The following DLGAP2 variants were observed in gnomAD, a reference collection of about 807,000 sequenced individuals.
DLGAP2 encodes the protein disks large-associated protein 2.
A neutral mutation model predicts 100.3 loss-of-function variants in DLGAP2; 26 were observed. The observed-to-expected ratio is 0.26, with a 90% CI of 0.19 to 0.36. DLGAP2 has a LOEUF of 0.36. Among genes scored for constraint, DLGAP2 ranks in the 10% least tolerant of loss-of-function variants. The probability of loss-of-function intolerance (pLI) is 1.00; values close to 1 mark genes in which losing one functional copy is unlikely to be tolerated. For synonymous variants in DLGAP2, 886 were observed against 630.1 expected (o/e 1.41, Z -6.08); for missense variants, 1,858 against 1,453.2 (o/e 1.28, Z -4.53).
chr8:938,159 A>G (rs542705057), intron 2 of DLGAP2, among the ~76,000 whole-genome samples: 1 of 152,278 alleles, frequency 6.6e-6, no homozygotes, highest in East Asian at 1.9e-4. Context: ...GAAGGCCACA[A>G]AGCTCAATGA....
At chr8:1,084,647 C>T (rs2701943) in intron 2 of DLGAP2, among the ~76,000 whole-genome samples, 3,547 of 152,316 alleles carry the variant, frequency 0.023, 129 homozygotes, top group African/African-American at 0.081. Flanking sequence ...CTGTGCCTGG[C>T]TTCTTTCAGT....
At chr8:1,665,309 A>G (rs939603268) in intron 8 of DLGAP2, among the ~76,000 whole-genome samples, 1 of 152,224 alleles carries the variant, frequency 6.6e-6, no homozygotes, top group Non-Finnish European at 1.5e-5. Flanking sequence ...GAAACACATA[A>G]TGAGCCAAGG....
chr8:768,670 C>T (rs935077486), intron 1 of DLGAP2, among the ~76,000 whole-genome samples: 4 of 151,808 alleles, frequency 2.6e-5, no homozygotes, highest in Non-Finnish European at 5.9e-5. Flanking sequence ...ATGATCTGCC[C>T]GCCTCGGCCT....
Position 899,325 on chromosome 8 carries a change from C to T in DLGAP2, c.19-8587C>T, listed in dbSNP as rs1166608856. 3.9e-5 allele frequency among the ~76,000 whole-genome samples: 6 copies of T among 152,228 alleles called. No individual in the cohort carries two copies. In the East Asian group the frequency reaches 5.8e-4, roughly 15 times the overall value. ...CCTTCCCGTGGTGGCAGAGCTGAGA[C>T]GTCCCCTGAGCAGCCTATCTGATGC... is the stretch of plus-strand genomic sequence containing the variant. On this transcript the variant is annotated intron_variant, in intron 1 of 14. Coordinates refer to ENST00000637795, the MANE Select transcript of DLGAP2 (RefSeq NM_001346810.2).
chr8:1,413,670 G>A (rs1375533966), intron 3 of DLGAP2, among the ~76,000 whole-genome samples: 1 of 152,226 alleles, frequency 6.6e-6, no homozygotes, highest in African/African-American at 2.4e-5. Context: ...AATGATTGGA[G>A]TCACTCTTAT....
chr8:910,073 G>A (rs116938585), intron 2 of DLGAP2, among the ~76,000 whole-genome samples: 2,761 of 152,272 alleles, frequency 0.018, 45 homozygotes, highest in Middle Eastern at 0.044. Flanking sequence ...TTTGGAAGAC[G>A]AAACGAGTTC....
intron 8 of DLGAP2, among the ~76,000 whole-genome samples, chr8:1,652,807 C>A (rs17755991): frequency 0.23 from 35,265 of 151,394 alleles, 4,497 homozygotes; most frequent in East Asian, 0.38. Flanking sequence ...GACCAGCTGG[C>A]GAACCAAAAT....
chr8:993,635 C>G (rs1321732290), intron 2 of DLGAP2, among the ~76,000 whole-genome samples: 3 of 152,176 alleles, frequency 2.0e-5, no homozygotes, highest in East Asian at 1.9e-4. Flanking sequence ...TCTCCTGTAT[C>G]AAGCGTCTCC....
intron 4 of DLGAP2, among the ~76,000 whole-genome samples, chr8:1,524,838 G>A (rs1312247581): frequency 3.3e-5 from 5 of 152,138 alleles, no homozygotes; most frequent in African/African-American, 9.6e-5. Context: ...CTTACCACCC[G>A]TGGGTTCATC....
intron 8 of DLGAP2, among the ~76,000 whole-genome samples, chr8:1,656,868 A>G (rs899187865): frequency 8.5e-5 from 13 of 152,176 alleles, no homozygotes; most frequent in Admixed American, 6.5e-4. Context: ...TCACAACCCC[A>G]TTATTCTCAG....
intron 8 of DLGAP2, among the ~76,000 whole-genome samples, chr8:1,636,648 G>C (rs1392946661): frequency 6.6e-6 from 1 of 151,982 alleles, no homozygotes; most frequent in Non-Finnish European, 1.5e-5. Flanking sequence ...ATTTTATCTT[G>C]TCACAAAGAG....
chr8:1,503,132 G>A lies in DLGAP2; in HGVS notation c.172+1701G>A, dbSNP rs143733576. Among the ~76,000 whole-genome samples, 1,298 of 152,300 alleles carry A rather than the reference G, an allele frequency of 8.5e-3. 9 individuals carry two copies. Among genetic ancestry groups the A allele is most frequent in the Non-Finnish European group, 0.015 (999 of 68,022 alleles). On this transcript the variant is annotated intron_variant, in intron 4 of 14. Transcript: ENST00000637795. ...TGGGTGGCTTGGTGAAGGCTGGATT[G>A]TAGGGACAGAAAGCATTTTTTCATC...
intron 3 of DLGAP2, among the ~76,000 whole-genome samples, chr8:1,493,238 G>T (rs1015830174): frequency 3.9e-5 from 6 of 152,112 alleles, no homozygotes; most frequent in African/African-American, 1.4e-4. Flanking sequence ...TGGATGGAGC[G>T]CATAGAGGGC....
intron 3 of DLGAP2, chr8:1,300,951 G>C (rs1367524207): frequency 6.6e-6 from 1 of 152,250 alleles, no homozygotes; most frequent in Non-Finnish European, 1.5e-5. Context: ...CCTCCCTGTG[G>C]CTCGGTGTCC....
chr8:1,260,551 C>T (rs1177955745), intron 3 of DLGAP2, among the ~76,000 whole-genome samples: 1 of 151,974 alleles, frequency 6.6e-6, no homozygotes, highest in African/African-American at 2.4e-5. Flanking sequence ...AGGGTTTGGA[C>T]TGAATGAAGG....
At chr8:1,316,957 AAAAATAGAG>A (rs1310347402) in intron 3 of DLGAP2, among the ~76,000 whole-genome samples, 3 of 89,054 alleles carry the variant, frequency 3.4e-5, no homozygotes, top group African/African-American at 4.6e-5. Flanking sequence ...GGCAGCGTTT[AAAAATAGAG>A]CGTGTGCAAG....
chr8:1,373,195 T>G (rs999647977), intron 3 of DLGAP2, among the ~76,000 whole-genome samples: 2 of 152,156 alleles, frequency 1.3e-5, no homozygotes, highest in African/African-American at 4.8e-5. Context: ...TGCTGCCGTT[T>G]GCTTGAGTGA....
At chr8:1,304,599 A>G (rs1800445710) in intron 3 of DLGAP2, among the ~76,000 whole-genome samples, 1 of 152,208 alleles carries the variant, frequency 6.6e-6, no homozygotes, top group Admixed American at 6.5e-5. Context: ...GATGAGTACA[A>G]TTGTTCTTAA....
chr8:1,218,722 G>C (rs1345263384), intron 2 of DLGAP2, among the ~76,000 whole-genome samples: 1 of 152,090 alleles, frequency 6.6e-6, no homozygotes, highest in African/African-American at 2.4e-5. Flanking sequence ...GCTTTGATTA[G>C]TATGGCCATT....
Sources: gnomAD v4.1 joint callset for allele counts (sites outside exome capture counted in the v4.1 genomes callset) on GRCh38, gnomAD v4.1.1 for gene constraint, MANE v1.5 for transcripts, NCBI Gene and HGNC (gene_info 2026-07-23, HGNC 2026-07-21) for gene names.